USP45: variants seen among roughly 807,000 people sequenced by gnomAD.
USP45 encodes the protein ubiquitin specific peptidase 45.
A neutral mutation model predicts 95.8 loss-of-function variants in USP45; 89 were observed. That is an observed-to-expected ratio of 0.93 (90% CI 0.78 to 1.11). The LOEUF is 1.11. Among genes scored for constraint, USP45 ranks in the 50% least tolerant of loss-of-function variants. USP45 has a pLI of 0.00. For synonymous variants in USP45, 281 were observed against 316.2 expected (o/e 0.89, Z 1.18); for missense variants, 898 against 942.5 (o/e 0.95, Z 0.62).
intron 16 of USP45, among the ~76,000 whole-genome samples, chr6:99,438,139 GGGGACTGGTTGAA>G: frequency 6.6e-6 from 1 of 152,270 alleles, no homozygotes; most frequent in East Asian, 1.9e-4. Context: ...TCTATAAATT[GGGGACTGGTTGAA>G]TAAACTATGA....
At chr6:99,440,670 T>G (rs940658443) in intron 15 of USP45, among the ~76,000 whole-genome samples, 5 of 152,200 alleles carry the variant, frequency 3.3e-5, no homozygotes, top group African/African-American at 1.2e-4. Flanking sequence ...TTATGGCTTA[T>G]CTTTCTTTAA....
intron 14 of USP45, 35 bp downstream of exon 14, chr6:99,445,759 CAGG>C: frequency 7.1e-7 from 1 of 1,412,096 alleles, no homozygotes; most frequent in African/African-American, 1.5e-5. Flanking sequence ...TAGACACTAT[CAGG>C]AGATCAATAA....
chr6:99,494,517 A>C (rs1795878107), intron 5 of USP45, among the ~76,000 whole-genome samples: 1 of 152,194 alleles, frequency 6.6e-6, no homozygotes, highest in Non-Finnish European at 1.5e-5. Context: ...AGAACTTTAA[A>C]AAAAAAACTT....
chr6:99,507,502 A>ATGT lies in USP45; in HGVS notation c.300_302dup (p.Gln100dup). 1 of 1,613,154 alleles carries ATGT rather than the reference A, an allele frequency of 6.2e-7. No individual in the cohort carries two copies. Among genetic ancestry groups the ATGT allele is most frequent in the Non-Finnish European group, 8.5e-7 (1 of 1,179,502 alleles). On this transcript the variant is annotated inframe_insertion, in exon 4 of 18. Transcript: ENST00000500704. ...TGGAACTCTTAAAGTGCTTCAATGA[A>ATGT]TGTTGGCTTTCTGAGTTTTTACCAC...
chr6:99,477,515 GT>G (rs1791171877), intron 8 of USP45, among the ~76,000 whole-genome samples: 2 of 152,100 alleles, frequency 1.3e-5, no homozygotes, highest in Non-Finnish European at 2.9e-5. Flanking sequence ...GTTTCTCCAT[GT>G]TGGTCAGGCT....
intron 10 of USP45, 30 bp downstream of exon 10, chr6:99,468,503 TAAAG>T (rs763326376): frequency 1.5e-5 from 21 of 1,369,900 alleles, no homozygotes; most frequent in African/African-American, 1.5e-4. Flanking sequence ...AATATTTTCT[TAAAG>T]AAAAAAGTTT....
At position 99,508,744 on chromosome 6, in the gene USP45, C is replaced by A; in HGVS notation, c.139G>T (p.Val47Leu). 1 of 1,612,962 alleles carries A rather than the reference C, an allele frequency of 6.2e-7. No homozygotes were observed. Among genetic ancestry groups the A allele is most frequent in the South Asian group, 1.1e-5 (1 of 90,830 alleles). Residue 47 changes from valine (V) to leucine (L), a missense_variant, in exon 3 of 18, where the codon GTG becomes TTG. Physicochemically the swap from Val to Leu is conservative, Grantham distance 32 (BLOSUM62 1). Coordinates refer to ENST00000500704, the MANE Select transcript of USP45 (RefSeq NM_001346022.3). ...TCQHVSHAIS[V>L]NHVKRAIAEN... ...GCTATTGCTCTCTTTACATGATTCACGCTGATAGCATGACTTACATGTTGG... is the reference window on the plus strand; with the variant it reads ...GCTATTGCTCTCTTTACATGATTCAAGCTGATAGCATGACTTACATGTTGG...
intron 13 of USP45, among the ~76,000 whole-genome samples, chr6:99,450,491 T>G (rs916219591): frequency 7.2e-5 from 11 of 152,138 alleles, no homozygotes; most frequent in Non-Finnish European, 1.5e-4. Flanking sequence ...CAGGAAGAAC[T>G]TGAATCCCTG....
In USP45 at chr6:99,435,828, T is replaced by G. The variant is rs6570065; in HGVS notation, c.2333A>C (p.Asn778Thr). ...KNVPGLKAAD[N>T]ESAGQWVHVS... ...ATGGACCCACTGGCCTGCTGATTCA[T>G]TATCAGCCGCTTTCAAACCTAGCAA... Residue 778 changes from asparagine (N) to threonine (T), a missense_variant, in exon 18 of 18, where the codon AAT (asparagine) becomes ACT (threonine). Coordinates refer to ENST00000500704, the MANE Select transcript of USP45 (RefSeq NM_001346022.3). 1.9e-6 allele frequency: 3 copies of G among 1,612,642 alleles called. No individual in the cohort carries two copies. In the Admixed American group the frequency reaches 5.0e-5, roughly 27 times the overall value.
rs774719455 is a variant in USP45, at chr6:99,476,139, T to C, written c.933+4A>G. The C allele has an allele frequency of 3.1e-6, 5 of 1,611,756 alleles. No homozygotes were observed. Among genetic ancestry groups the C allele is most frequent in the African/African-American group, 2.7e-5 (2 of 74,786 alleles). ...AATACATGATATACATAAAGAAACC[T>C]GACCTTTGTTTCTTCTGTCCTCACT... On this transcript the variant is annotated splice_donor_region_variant and intron_variant, in intron 9 of 17. Coordinates refer to ENST00000500704, the MANE Select transcript of USP45 (RefSeq NM_001346022.3).
chr6:99,481,314 C>G (rs900112099), intron 8 of USP45, among the ~76,000 whole-genome samples: 7 of 152,080 alleles, frequency 4.6e-5, no homozygotes, highest in Admixed American at 3.9e-4. Context: ...TGGAAAGAAT[C>G]AGATAATAGT....
intron 4 of USP45, among the ~76,000 whole-genome samples, chr6:99,505,652 A>C (rs1160480258): frequency 6.6e-6 from 1 of 151,940 alleles, no homozygotes; most frequent in East Asian, 1.9e-4. Context: ...AAAAAAAAAA[A>C]AAAAAAAACA....
At chr6:99,485,829 T>G (rs1033669890) in intron 7 of USP45, among the ~76,000 whole-genome samples, 2 of 152,144 alleles carry the variant, frequency 1.3e-5, no homozygotes, top group African/African-American at 4.8e-5. Flanking sequence ...GGTTTAACAC[T>G]TGAAAAAGGA....
chr6:99,499,234 T>C (rs1389952458), intron 5 of USP45, among the ~76,000 whole-genome samples: 1 of 152,198 alleles, frequency 6.6e-6, no homozygotes, highest in Non-Finnish European at 1.5e-5. Context: ...TTTTACTTAG[T>C]ACAAAAATAT....
rs553282990 is a variant in USP45 at position 99,476,507 on chromosome 6, TA to T, written c.846-278del. Among the ~76,000 whole-genome samples, 68 of 152,256 alleles carry T rather than the reference TA, an allele frequency of 4.5e-4. 1 individual carries two copies. The Middle Eastern group carries it at 0.01, about 23-fold the overall frequency. On this transcript the variant is annotated intron_variant, in intron 8 of 17. Coordinates refer to ENST00000500704, the MANE Select transcript of USP45 (RefSeq NM_001346022.3). ...ACAGTTTACTACTTTTCCAACTAAA[TA>T]GATGAAATGTGATTACTGGTCCAAT... is the stretch of plus-strand genomic sequence containing the variant.
At chr6:99,462,341 A>G in intron 13 of USP45, 1 of 985,164 alleles carries the variant, frequency 1.0e-6, no homozygotes. Context: ...TACTGTGTGG[A>G]AAGTATTTCT....
At chr6:99,452,823 T>G (rs1176176240) in intron 13 of USP45, among the ~76,000 whole-genome samples, 1 of 152,134 alleles carries the variant, frequency 6.6e-6, no homozygotes, top group African/African-American at 2.4e-5. Flanking sequence ...GTGGCACATA[T>G]ACACCATGGA....
chr6:99,485,318 C>G (rs1236648811), intron 7 of USP45, among the ~76,000 whole-genome samples: 1 of 151,988 alleles, frequency 6.6e-6, no homozygotes, highest in Non-Finnish European at 1.5e-5. Context: ...GCATTCCAGA[C>G]TGGGTGACAG....
Position 99,488,724 on chromosome 6 carries a change from A to T in USP45, c.575T>A (p.Ile192Asn). The T allele has an allele frequency of 6.2e-7, 1 of 1,605,904 alleles. No individual in the cohort carries two copies. Among genetic ancestry groups the T allele is most frequent in the Non-Finnish European group, 8.5e-7 (1 of 1,176,912 alleles). The change falls in exon 6 of 18, where the codon ATT (isoleucine) becomes AAT (asparagine). Residue 192 changes from isoleucine to asparagine, a missense_variant. Transcript: ENST00000500704. Reference sequence around the variant, plus strand: ...AAAGCAAGTATTTCCTAAATTTGTAATTCCTCTTACAGATAAATTTCTGCA... The same window carrying T: ...AAAGCAAGTATTTCCTAAATTTGTATTTCCTCTTACAGATAAATTTCTGCA... Reference protein sequence around the residue: ...GKCRNLSVRGITNLGNTCFFN... With the variant: ...GKCRNLSVRGNTNLGNTCFFN...
Sources: allele counts gnomAD v4.1 joint callset (sites outside exome capture counted in the v4.1 genomes callset), GRCh38; gene constraint gnomAD v4.1.1; transcripts MANE v1.5; gene names NCBI Gene and HGNC (gene_info 2026-07-23, HGNC 2026-07-21).